PVT1: variants seen among roughly 807,000 people sequenced by gnomAD.
PVT1 encodes the protein Pvt1 oncogene.
chr8:127,946,162 C>T (rs1339098763), intron 3 of PVT1, among the ~76,000 whole-genome samples: 4 of 152,160 alleles, frequency 2.6e-5, no homozygotes, highest in African/African-American at 4.8e-5. Flanking sequence ...GAACTTAGGG[C>T]GATTGGCCTT....
intron 2 of PVT1, among the ~76,000 whole-genome samples, chr8:127,808,911 T>C (rs2129655771): frequency 6.6e-6 from 1 of 150,844 alleles, no homozygotes; most frequent in Middle Eastern, 3.4e-3. Flanking sequence ...GTGCCTGTAA[T>C]CCGAGCTACT....
chr8:128,019,053 G>A (rs1443514983), intron 4 of PVT1, among the ~76,000 whole-genome samples: 1 of 152,210 alleles, frequency 6.6e-6, no homozygotes, highest in African/African-American at 2.4e-5. Flanking sequence ...TCTTAGCAGT[G>A]CATCAGCAAT....
At chr8:128,033,587 G>A (rs1054646576) in intron 4 of PVT1, among the ~76,000 whole-genome samples, 2 of 152,198 alleles carry the variant, frequency 1.3e-5, no homozygotes, top group Admixed American at 6.5e-5. Flanking sequence ...TTCAGAAGAA[G>A]GTCTTTTGAG....
chr8:127,819,075 T>A (rs1212591797), intron 2 of PVT1, among the ~76,000 whole-genome samples: 1 of 152,164 alleles, frequency 6.6e-6, no homozygotes, highest in Non-Finnish European at 1.5e-5. Context: ...CCTGCTGGAG[T>A]GCTGGTTGCT....
intron 2 of PVT1, among the ~76,000 whole-genome samples, chr8:127,848,556 G>A (rs1785223007): frequency 6.6e-6 from 1 of 152,168 alleles, no homozygotes; most frequent in Admixed American, 6.5e-5. Flanking sequence ...GGTGGCACAT[G>A]CCTGTAATCC....
chr8:127,892,808 T>C lies in PVT1; in HGVS notation n.782+1810T>C, dbSNP rs543806539. Among the ~76,000 whole-genome samples the C allele has an allele frequency of 3.9e-5, 6 of 152,156 alleles. No homozygotes were observed. The East Asian group carries it at 7.8e-4, about 20-fold the overall frequency. On this transcript the variant is annotated intron_variant and non_coding_transcript_variant, in intron 3 of 10. Coordinates refer to ENST00000651587, the Ensembl canonical transcript of PVT1. Reference sequence around the variant, plus strand: ...GGGTCTGGAGAGAGGCTCACAGTGGTGAGCAAAGAGGTTCTGGGATGGGAG... The same window carrying C: ...GGGTCTGGAGAGAGGCTCACAGTGGCGAGCAAAGAGGTTCTGGGATGGGAG...
chr8:127,835,059 C>A (rs1328027832), intron 2 of PVT1, among the ~76,000 whole-genome samples: 1 of 152,062 alleles, frequency 6.6e-6, no homozygotes, highest in East Asian at 1.9e-4. Context: ...GGATCTAGAA[C>A]CAGAAATACC....
At chr8:128,055,956 C>T (rs1473783310) in intron 4 of PVT1, among the ~76,000 whole-genome samples, 2 of 152,186 alleles carry the variant, frequency 1.3e-5, no homozygotes, top group Non-Finnish European at 2.9e-5. Flanking sequence ...ATGGGAGAAA[C>T]AATATGCATG....
intron 3 of PVT1, among the ~76,000 whole-genome samples, chr8:127,958,090 A>G (rs970376281): frequency 1.3e-5 from 2 of 152,182 alleles, no homozygotes; most frequent in African/African-American, 2.4e-5. Context: ...ATCAAACAGG[A>G]TGGACAGAGT....
chr8:127,809,749 G>A (rs568739930), intron 2 of PVT1, among the ~76,000 whole-genome samples: 10 of 152,180 alleles, frequency 6.6e-5, no homozygotes, highest in Admixed American at 6.5e-4. Context: ...CGAAGACAGA[G>A]TTCCCTTCCG....
At chr8:127,879,126 A>C (rs1815437144) in intron 2 of PVT1, among the ~76,000 whole-genome samples, 2 of 152,346 alleles carry the variant, frequency 1.3e-5, no homozygotes, top group South Asian at 4.1e-4. Context: ...ATTTCCCAGC[A>C]AAGTGCCATT....
At chr8:128,067,954 T>TTG (rs528253750) in intron 4 of PVT1, among the ~76,000 whole-genome samples, 2 of 20,056 alleles carry the variant, frequency 1.0e-4, no homozygotes, top group Non-Finnish European at 2.1e-4. Flanking sequence ...ATACTTTGTG[T>TTG]TTTTTTTTTT....
chr8:128,003,413 A>T (rs1229691418), intron 4 of PVT1, among the ~76,000 whole-genome samples: 1 of 150,680 alleles, frequency 6.6e-6, no homozygotes, highest in African/African-American at 2.5e-5. Context: ...TGGAAGGATC[A>T]TGGCCCACTG....
chr8:128,043,773 T>TACAC (rs112991135), intron 4 of PVT1, among the ~76,000 whole-genome samples: 4,095 of 140,744 alleles, frequency 0.029, 154 homozygotes, highest in African/African-American at 0.089. Flanking sequence ...AACTATTTCC[T>TACAC]ACACACACAC....
intron 5 of PVT1, among the ~76,000 whole-genome samples, chr8:128,076,978 C>T (rs887127763): frequency 3.9e-5 from 6 of 152,174 alleles, no homozygotes; most frequent in South Asian, 2.1e-4. Flanking sequence ...GGTGGATCCA[C>T]GGCAAAGGGT....
chr8:127,817,118 T>G (rs1027014413), intron 2 of PVT1, among the ~76,000 whole-genome samples: 1 of 151,404 alleles, frequency 6.6e-6, no homozygotes, highest in Non-Finnish European at 1.5e-5. Context: ...TGCTGTTGGA[T>G]TTTCCTGGGA....
chr8:128,080,589 C>A (rs1274914472), intron 5 of PVT1, among the ~76,000 whole-genome samples: 3 of 152,168 alleles, frequency 2.0e-5, no homozygotes, highest in Non-Finnish European at 4.4e-5. Context: ...TTTAAGAGTT[C>A]TTTGTATACT....
At chr8:128,069,606 G>A (rs1312249274) in intron 4 of PVT1, among the ~76,000 whole-genome samples, 1 of 152,080 alleles carries the variant, frequency 6.6e-6, no homozygotes, top group Non-Finnish European at 1.5e-5. Flanking sequence ...GAGTCCTTAG[G>A]GCTCCTGGCA....
intron 2 of PVT1, among the ~76,000 whole-genome samples, chr8:127,827,292 G>C (rs1026227020): frequency 6.6e-6 from 1 of 152,018 alleles, no homozygotes; most frequent in Non-Finnish European, 1.5e-5. Flanking sequence ...CACCACACCC[G>C]ACCTAGCCCC....
Sources: allele counts gnomAD v4.1 joint callset (sites outside exome capture counted in the v4.1 genomes callset), GRCh38; gene constraint gnomAD v4.1.1; transcripts MANE v1.5; gene names NCBI Gene and HGNC (gene_info 2026-07-23, HGNC 2026-07-21).